Variants in SCAI observed in about 807,000 individuals in gnomAD.
SCAI encodes the protein suppressor of cancer cell invasion.
A neutral mutation model predicts 92.2 loss-of-function variants in SCAI; 24 were observed. The ratio of observed to expected loss-of-function variants is 0.26; its 90% CI spans 0.19 to 0.37. SCAI has a LOEUF of 0.37. Among genes scored for constraint, SCAI ranks in the 10% least tolerant of loss-of-function variants. The probability of loss-of-function intolerance (pLI) is 1.00; values close to 1 mark genes in which losing one functional copy is unlikely to be tolerated. For synonymous variants in SCAI, 261 were observed against 258.6 expected, an observed-to-expected ratio of 1.01 and a Z score of -0.09; for missense variants, 450 against 736.2, an observed-to-expected ratio of 0.61 and a Z score of 4.50.
At chr9:125,024,066 T>C (rs1163939727) in intron 6 of SCAI, among the ~76,000 whole-genome samples, 2 of 152,124 alleles carry the variant, frequency 1.3e-5, no homozygotes, top group Admixed American at 1.3e-4. Flanking sequence ...TCACCACTTA[T>C]GTTGACATCA....
intron 2 of SCAI, among the ~76,000 whole-genome samples, chr9:125,090,441 G>A (rs1011785331): frequency 2.0e-5 from 3 of 151,594 alleles, no homozygotes; most frequent in African/African-American, 4.8e-5. Context: ...AGTAAGGAGC[G>A]ATGGAGAGAT....
At chr9:125,142,603 A>G in intron 2 of SCAI, 30 bp downstream of exon 2, 3 of 1,599,642 alleles carry the variant, frequency 1.9e-6, no homozygotes, top group Non-Finnish European at 8.6e-7. Context: ...AAAGAAAAAC[A>G]TGAAGCAAAA....
At chr9:124,959,671 C>T (rs1289677237) in intron 17 of SCAI, among the ~76,000 whole-genome samples, 1 of 151,310 alleles carries the variant, frequency 6.6e-6, no homozygotes, top group African/African-American at 2.4e-5. Flanking sequence ...TCTCCTAACG[C>T]TATCCCTCCC....
chr9:125,072,018 A>G (rs1055584191), intron 2 of SCAI, among the ~76,000 whole-genome samples: 1 of 146,306 alleles, frequency 6.8e-6, no homozygotes, highest in Admixed American at 7.2e-5. Flanking sequence ...GACAGGGGAT[A>G]GTAGATAGTC....
At chr9:124,989,607 G>A (rs1332176674) in intron 14 of SCAI, among the ~76,000 whole-genome samples, 4 of 152,052 alleles carry the variant, frequency 2.6e-5, no homozygotes, top group African/African-American at 9.7e-5. Context: ...AAAAAGTCCA[G>A]GCACGATGGC....
At chr9:125,060,477 T>C (rs1001170898) in intron 2 of SCAI, among the ~76,000 whole-genome samples, 1 of 152,180 alleles carries the variant, frequency 6.6e-6, no homozygotes, top group Non-Finnish European at 1.5e-5. Flanking sequence ...AAGATCATCA[T>C]ATATATTTTT....
chr9:125,046,262 TAC>T (rs1179147297), intron 3 of SCAI, among the ~76,000 whole-genome samples: 72 of 116,988 alleles, frequency 6.2e-4, no homozygotes, highest in African/African-American at 2.0e-3. Flanking sequence ...TACACATATA[TAC>T]ACACACACAT....
At chr9:125,138,842 C>A (rs1835603471) in intron 2 of SCAI, among the ~76,000 whole-genome samples, 1 of 152,208 alleles carries the variant, frequency 6.6e-6, no homozygotes, top group Non-Finnish European at 1.5e-5. Context: ...AGCCACCACG[C>A]CAGCAGAACT....
At chr9:125,064,507 GACCAC>G (rs1402085066) in intron 2 of SCAI, among the ~76,000 whole-genome samples, 1 of 152,056 alleles carries the variant, frequency 6.6e-6, no homozygotes, top group African/African-American at 2.4e-5. Flanking sequence ...TATACCTTCT[GACCAC>G]ACTGCAAGTA....
chr9:124,972,334 T>C (rs904524569), intron 15 of SCAI, among the ~76,000 whole-genome samples: 2 of 152,218 alleles, frequency 1.3e-5, no homozygotes, highest in Non-Finnish European at 2.9e-5. Flanking sequence ...AAATTTCTAA[T>C]TCTCTATCAG....
intron 2 of SCAI, among the ~76,000 whole-genome samples, chr9:125,140,362 T>C (rs1053127965): frequency 6.6e-6 from 1 of 152,040 alleles, no homozygotes; most frequent in Non-Finnish European, 1.5e-5. Flanking sequence ...ACCCCGTCTC[T>C]ACTAAAAATA....
chr9:125,132,180 CT>C (rs1835416526), intron 2 of SCAI, among the ~76,000 whole-genome samples: 1 of 151,188 alleles, frequency 6.6e-6, no homozygotes, highest in South Asian at 2.1e-4. Context: ...GTGGCACGAT[CT>C]TGGCTCACTG....
intron 2 of SCAI, among the ~76,000 whole-genome samples, chr9:125,141,226 A>G (rs764816829): frequency 2.6e-5 from 4 of 152,210 alleles, no homozygotes; most frequent in Non-Finnish European, 4.4e-5. Flanking sequence ...CACCCTGCAT[A>G]TGGTTACTGG....
chr9:125,098,060 C>CAT (rs199680606), intron 2 of SCAI, among the ~76,000 whole-genome samples: 52 of 149,668 alleles, frequency 3.5e-4, no homozygotes, highest in East Asian at 1.6e-3. Context: ...TGTATATACA[C>CAT]ATATATATAT....
At chr9:125,046,686 C>CA (rs796501464) in intron 3 of SCAI, among the ~76,000 whole-genome samples, 49 of 142,806 alleles carry the variant, frequency 3.4e-4, no homozygotes, top group African/African-American at 1.0e-3. Context: ...ACCTGTTCCC[C>CA]AAAAAACTAC....
intron 17 of SCAI, among the ~76,000 whole-genome samples, chr9:124,954,591 C>T (rs1423949598): frequency 6.6e-6 from 1 of 152,076 alleles, no homozygotes; most frequent in Non-Finnish European, 1.5e-5. Context: ...TTTTTAGTAA[C>T]GGTTTTATTA....
At chr9:125,036,849 G>A (rs1440349528) in intron 3 of SCAI, among the ~76,000 whole-genome samples, 2 of 152,224 alleles carry the variant, frequency 1.3e-5, no homozygotes, top group African/African-American at 2.4e-5. Context: ...AGCCGGGCAT[G>A]ATGGCTCATG....
chr9:124,987,216 G>T (rs1832012475), intron 14 of SCAI, among the ~76,000 whole-genome samples: 1 of 152,044 alleles, frequency 6.6e-6, no homozygotes, highest in African/African-American at 2.4e-5. Flanking sequence ...TAGAGATGGG[G>T]TTTCACCATG....
intron 3 of SCAI, among the ~76,000 whole-genome samples, chr9:125,048,732 A>T (rs1020293802): frequency 4.0e-5 from 6 of 151,594 alleles, no homozygotes; most frequent in African/African-American, 1.5e-4. Flanking sequence ...TTATTTATTT[A>T]TTTATTTAAT....
Sources: allele counts gnomAD v4.1 joint callset (sites outside exome capture counted in the v4.1 genomes callset), GRCh38; gene constraint gnomAD v4.1.1; transcripts MANE v1.5; gene names NCBI Gene and HGNC (gene_info 2026-07-23, HGNC 2026-07-21).